NAF1: variants seen among roughly 807,000 people sequenced by gnomAD.
NAF1 encodes H/ACA ribonucleoprotein complex non-core subunit NAF1.
A neutral mutation model predicts 40.6 loss-of-function variants in NAF1; 11 were observed. The observed-to-expected ratio is 0.27, with a 90% confidence interval of 0.17 to 0.45. The LOEUF is 0.45. Ranked by LOEUF, NAF1 falls within the 20% of genes least tolerant of loss-of-function variation. NAF1 has a pLI of 1.00. For missense variants in NAF1, 607 were observed against 611.1 expected (o/e 0.99, Z 0.07); for synonymous variants, 260 against 228.5 (o/e 1.14, Z -1.24).
Position 163,129,323 on chromosome 4 carries a change from C to CTGA in NAF1, c.1056_1058dup (p.His352dup). 2 of 1,611,542 alleles carry CTGA rather than the reference C, an allele frequency of 1.2e-6. No individual in the cohort carries two copies. The highest frequency in any genetic ancestry group is 1.7e-6 in the Non-Finnish European group (2 of 1,177,766). ...AAGCAGAGCTATGAGCATTCCAATT[C>CTGA]TGATGTACTTCAGTAAAATCTTCAC... On this transcript the variant is annotated inframe_insertion, in exon 8 of 8. Transcript: ENST00000274054.
chr4:163,149,686 C>A (rs922406961), intron 2 of NAF1, among the ~76,000 whole-genome samples: 1 of 152,134 alleles, frequency 6.6e-6, no homozygotes, highest in Admixed American at 6.5e-5. Context: ...GCCCTTTCAT[C>A]ATATTAAACG....
chr4:163,139,209 T>C (rs1425772484), intron 5 of NAF1, among the ~76,000 whole-genome samples: 1 of 152,130 alleles, frequency 6.6e-6, no homozygotes, highest in Non-Finnish European at 1.5e-5. Context: ...CCAAAGTTAC[T>C]CAGTGACCAA....
At chr4:163,165,314 C>T (rs1732405952) in intron 1 of NAF1, among the ~76,000 whole-genome samples, 1 of 152,234 alleles carries the variant, frequency 6.6e-6, no homozygotes, top group Non-Finnish European at 1.5e-5. Flanking sequence ...TTGGTATCCT[C>T]TGCCATCACC....
intron 6 of NAF1, among the ~76,000 whole-genome samples, chr4:163,134,028 G>A (rs1730967468): frequency 6.6e-6 from 1 of 152,060 alleles, no homozygotes; most frequent in Non-Finnish European, 1.5e-5. Flanking sequence ...CAACTCCTAA[G>A]AGGAAATTAT....
chr4:163,155,887 A>G (rs991921666), intron 2 of NAF1, among the ~76,000 whole-genome samples: 8 of 151,702 alleles, frequency 5.3e-5, no homozygotes, highest in Non-Finnish European at 1.0e-4. Context: ...CACAGAAGAT[A>G]CAAAGAATTA....
intron 7 of NAF1, among the ~76,000 whole-genome samples, chr4:163,130,513 C>T (rs1189752343): frequency 3.3e-5 from 5 of 152,068 alleles, no homozygotes; most frequent in African/African-American, 9.7e-5. Context: ...AACTTCAAGA[C>T]GTATTATAAA....
chr4:163,162,853 CTCA>C lies in NAF1; in HGVS notation c.540+1361_540+1363del, dbSNP rs376467700. ...ACAAGGATCACATATGAACTCAGTC[CTCA>C]AAGAACTTGTTCTTGGACTCCTTGT... On this transcript the variant is annotated intron_variant, in intron 2 of 7. Coordinates refer to ENST00000274054, the MANE Select transcript of NAF1 (RefSeq NM_138386.3). 1.5e-3 allele frequency among the ~76,000 whole-genome samples: 234 copies of C among 152,326 alleles called. 1 individual carries two copies. Among genetic ancestry groups the C allele is most frequent in the African/African-American group, 5.5e-3 (228 of 41,576 alleles).
chr4:163,126,134 T>C (rs879082511), downstream of NAF1, among the ~76,000 whole-genome samples: 2 of 152,216 alleles, frequency 1.3e-5, no homozygotes, highest in African/African-American at 4.8e-5. Context: ...TAATGCCTGC[T>C]AACACATCCA....
intron 2 of NAF1, among the ~76,000 whole-genome samples, chr4:163,116,157 G>A (rs1730331085): frequency 6.6e-6 from 1 of 152,080 alleles, no homozygotes; most frequent in Non-Finnish European, 1.5e-5. Flanking sequence ...GATTGATATT[G>A]AGTTAATGCT....
chr4:163,152,868 G>C (rs868713963), intron 2 of NAF1, among the ~76,000 whole-genome samples: 17 of 152,338 alleles, frequency 1.1e-4, no homozygotes, highest in African/African-American at 3.8e-4. Context: ...GCGGGAACCG[G>C]GGCTGCGCGC....
downstream of NAF1, among the ~76,000 whole-genome samples, chr4:163,107,905 C>T (rs1359194224): frequency 1.3e-5 from 2 of 152,148 alleles, no homozygotes; most frequent in African/African-American, 4.8e-5. Flanking sequence ...GAACTTTCCA[C>T]CTTCCAATAA....
Position 163,152,692 on chromosome 4 carries a change from C to CA in NAF1, c.541-4259dup, listed in dbSNP as rs1375574560. Among the ~76,000 whole-genome samples the CA allele has an allele frequency of 2.6e-5, 4 of 152,364 alleles. No individual in the cohort carries two copies. In the South Asian group the frequency reaches 6.2e-4, roughly 24 times the overall value. The stretch of plus-strand genomic sequence containing the variant: ...GAGGTGACAGCGTGCTGGCAGTCCT[C>CA]ACAGCCCTGGCTCACTCTCCGCGCC... On this transcript the variant is annotated intron_variant, in intron 2 of 7. Coordinates refer to ENST00000274054, the MANE Select transcript of NAF1 (RefSeq NM_138386.3).
chr4:163,141,498 T>C (rs1238574066), intron 4 of NAF1, among the ~76,000 whole-genome samples: 1 of 152,218 alleles, frequency 6.6e-6, no homozygotes, highest in Admixed American at 6.5e-5. Context: ...CTAAAGTTGT[T>C]CCATGTTATA....
intron 2 of NAF1, among the ~76,000 whole-genome samples, chr4:163,155,386 G>A (rs981742041): frequency 1.3e-5 from 2 of 152,124 alleles, no homozygotes; most frequent in Non-Finnish European, 2.9e-5. Context: ...TAGGTATTTA[G>A]TATTAATATA....
At chr4:163,110,916 CTTGAG>C (rs1048511188) in intron 2 of NAF1, among the ~76,000 whole-genome samples, 9 of 152,068 alleles carry the variant, frequency 5.9e-5, no homozygotes, top group Non-Finnish European at 1.2e-4. Flanking sequence ...GATAGAGCTG[CTTGAG>C]TTTTGTTTCT....
intron 2 of NAF1, chr4:163,157,210 C>A (rs1444867361): frequency 1.3e-5 from 2 of 151,498 alleles, no homozygotes; most frequent in Admixed American, 1.3e-4. Flanking sequence ...CAAGCAAATA[C>A]AATTTTAAAA....
intron 2 of NAF1, among the ~76,000 whole-genome samples, chr4:163,150,448 T>C (rs142451463): frequency 1.8e-3 from 273 of 152,152 alleles, no homozygotes; most frequent in African/African-American, 6.3e-3. Flanking sequence ...AACTTCAAAA[T>C]ATTTTTTACT....
At chr4:163,143,902 A>G (rs1333434505) in intron 4 of NAF1, 1 of 388,468 alleles carries the variant, frequency 2.6e-6, no homozygotes, top group Non-Finnish European at 3.5e-6. Context: ...ACAGACGAAT[A>G]GAGTATTCTA....
intron 2 of NAF1, among the ~76,000 whole-genome samples, chr4:163,153,288 T>C (rs1053235051): frequency 3.9e-5 from 6 of 152,202 alleles, no homozygotes; most frequent in African/African-American, 1.4e-4. Context: ...CAGTGCGGGA[T>C]CCACTGGGTG....
Sources: gnomAD v4.1 joint callset for allele counts (sites outside exome capture counted in the v4.1 genomes callset) on GRCh38, gnomAD v4.1.1 for gene constraint, MANE v1.5 for transcripts, NCBI Gene and HGNC (gene_info 2026-07-23, HGNC 2026-07-21) for gene names.